AKAP12: variants seen among roughly 807,000 people sequenced by gnomAD.
AKAP12 encodes A-kinase anchor protein 12.
In AKAP12, 32 loss-of-function variants were observed where a neutral mutation model predicts 79.9. The observed-to-expected ratio is 0.40, with a 90% CI of 0.30 to 0.54. The LOEUF (loss-of-function observed/expected upper bound fraction) is 0.54, where lower values mean the gene tolerates loss of function less well. Among genes scored for constraint, AKAP12 ranks in the 20% least tolerant of loss-of-function variants. The probability of loss-of-function intolerance (pLI) is 0.48; values close to 1 mark genes in which losing one functional copy is unlikely to be tolerated. For missense variants in AKAP12, 2,074 were observed against 2,177.0 expected (o/e 0.95, Z 0.94); for synonymous variants, 808 against 857.0 (o/e 0.94, Z 1.00).
In AKAP12 at chr6:151,355,751, AC is replaced by A. The variant is rs1241631531; in HGVS notation, c.*39del. The A allele has an allele frequency of 6.6e-6, 1 of 152,616 alleles. No homozygotes were observed. Among genetic ancestry groups the A allele is most frequent in the East Asian group, 1.9e-4 (1 of 5,200 alleles). 9.5% of individuals were successfully genotyped at this position (152,616 alleles called of 1,614,324 possible). On this transcript the variant is annotated 3_prime_UTR_variant, in exon 5 of 5. Transcript: ENST00000402676. The stretch of plus-strand genomic sequence containing the variant: ...GTTAAACTCATTGTCTGTTTGGAAG[AC>A]CAGAATGTGAAGACAAGTAGTAGAA...
At chr6:151,344,381 G>A (rs550876203) in intron 3 of AKAP12, among the ~76,000 whole-genome samples, 5 of 78,880 alleles carry the variant, frequency 6.3e-5, no homozygotes. Flanking sequence ...ATTCATCTAT[G>A]AATATCCAAA....
chr6:151,322,310 C>G (rs1163070643), intron 3 of AKAP12, among the ~76,000 whole-genome samples: 2 of 152,128 alleles, frequency 1.3e-5, no homozygotes, highest in Non-Finnish European at 2.9e-5. Flanking sequence ...TTTTCATGTG[C>G]TCATTGGTCA....
At chr6:151,290,769 C>G (rs951998953) in intron 2 of AKAP12, among the ~76,000 whole-genome samples, 73 of 152,276 alleles carry the variant, frequency 4.8e-4, no homozygotes, top group African/African-American at 1.7e-3. Flanking sequence ...CCATGCCAGG[C>G]TAATTTTGTA....
At chr6:151,269,696 T>TA (rs1159692082) in intron 2 of AKAP12, among the ~76,000 whole-genome samples, 1 of 152,252 alleles carries the variant, frequency 6.6e-6, no homozygotes. Flanking sequence ...GGAAAAGTAT[T>TA]AATTCTTCCA....
At chr6:151,277,011 C>T (rs370951910) in intron 2 of AKAP12, among the ~76,000 whole-genome samples, 1 of 152,272 alleles carries the variant, frequency 6.6e-6, no homozygotes, top group East Asian at 1.9e-4. Flanking sequence ...TGCTCTTGGT[C>T]ATTTAGTTAA....
chr6:151,336,306 A>G (rs1035444238), intron 3 of AKAP12, among the ~76,000 whole-genome samples: 7 of 152,174 alleles, frequency 4.6e-5, no homozygotes, highest in African/African-American at 1.7e-4. Flanking sequence ...GCTGTGTGGA[A>G]TGGTAGTTCT....
At chr6:151,328,192 G>T (rs953762704) in intron 3 of AKAP12, among the ~76,000 whole-genome samples, 1 of 151,630 alleles carries the variant, frequency 6.6e-6, no homozygotes, top group East Asian at 1.9e-4. Flanking sequence ...GCCGGGTGTG[G>T]TGGCGGGTGC....
chr6:151,297,349 G>A (rs1688860841), intron 2 of AKAP12, among the ~76,000 whole-genome samples: 1 of 151,922 alleles, frequency 6.6e-6, no homozygotes, highest in Non-Finnish European at 1.5e-5. Flanking sequence ...GGCCGAGGCG[G>A]GTGGATCACG....
intron 2 of AKAP12, among the ~76,000 whole-genome samples, chr6:151,268,561 C>CAAAT (rs1233353632): frequency 1.3e-5 from 2 of 152,188 alleles, no homozygotes; most frequent in Admixed American, 1.3e-4. Context: ...GACTTCTAAC[C>CAAAT]AAATACCCAT....
intron 2 of AKAP12, among the ~76,000 whole-genome samples, chr6:151,282,532 G>A (rs1008370626): frequency 6.6e-6 from 1 of 152,158 alleles, no homozygotes; most frequent in African/African-American, 2.4e-5. Context: ...GAAGAGGCTT[G>A]CATAGGTTCT....
At chr6:151,281,757 C>G (rs996406235) in intron 2 of AKAP12, among the ~76,000 whole-genome samples, 2 of 151,954 alleles carry the variant, frequency 1.3e-5, no homozygotes, top group African/African-American at 4.8e-5. Context: ...TGCAGTGGTG[C>G]TCACTGCAGC....
chr6:151,258,212 G>A (rs1268610438), intron 2 of AKAP12, among the ~76,000 whole-genome samples: 2 of 152,200 alleles, frequency 1.3e-5, no homozygotes, highest in Non-Finnish European at 2.9e-5. Context: ...GAACTTGAAC[G>A]AAGATCAGGG....
At chr6:151,310,903 C>G (rs1582872908) in intron 3 of AKAP12, among the ~76,000 whole-genome samples, 1 of 152,288 alleles carries the variant, frequency 6.6e-6, no homozygotes, top group East Asian at 1.9e-4. Flanking sequence ...ACCAGCTTTT[C>G]TCCAACCTTC....
At chr6:151,307,664 A>G (rs1030304854) in intron 3 of AKAP12, among the ~76,000 whole-genome samples, 5 of 152,100 alleles carry the variant, frequency 3.3e-5, no homozygotes, top group African/African-American at 1.2e-4. Flanking sequence ...TGGAGGTCTT[A>G]AGGTTATCTT....
At chr6:151,338,393 C>T (rs1167867272) in intron 3 of AKAP12, among the ~76,000 whole-genome samples, 2 of 151,798 alleles carry the variant, frequency 1.3e-5, no homozygotes, top group Admixed American at 6.6e-5. Flanking sequence ...GTTCCCTCCC[C>T]GTTTCTACTC....
At chr6:151,281,767 C>T (rs1231379135) in intron 2 of AKAP12, among the ~76,000 whole-genome samples, 1 of 149,832 alleles carries the variant, frequency 6.7e-6, no homozygotes, top group East Asian at 2.0e-4. Context: ...CTCACTGCAG[C>T]CTTGACTTCC....
chr6:151,251,402 A>G (rs946296187), intron 2 of AKAP12, among the ~76,000 whole-genome samples: 6 of 152,226 alleles, frequency 3.9e-5, no homozygotes, highest in Admixed American at 6.5e-5. Flanking sequence ...GGGTGACTTC[A>G]GGGAGATTAT....
At chr6:151,244,537 A>AACAG (rs1283452193) in intron 2 of AKAP12, among the ~76,000 whole-genome samples, 1 of 151,834 alleles carries the variant, frequency 6.6e-6, no homozygotes, top group African/African-American at 2.4e-5. Context: ...GAAACAAACA[A>AACAG]ACAAACAAAC....
intron 2 of AKAP12, among the ~76,000 whole-genome samples, chr6:151,290,974 G>A (rs1435521399): frequency 6.6e-6 from 1 of 152,136 alleles, no homozygotes. Flanking sequence ...TCAGAAGTTA[G>A]TCCTTCTAGG....
Sources: gnomAD v4.1 joint callset for allele counts (sites outside exome capture counted in the v4.1 genomes callset) on GRCh38, gnomAD v4.1.1 for gene constraint, MANE v1.5 for transcripts, NCBI Gene and HGNC (gene_info 2026-07-23, HGNC 2026-07-21) for gene names.